UBXN10: variants seen among roughly 807,000 people sequenced by gnomAD.
UBXN10 encodes the protein UBX domain-containing protein 10.
UBXN10 carries 6 observed loss-of-function variants against 6.9 expected under a neutral mutation model. The observed-to-expected ratio is 0.87, with a 90% CI of 0.48 to 1.72. The LOEUF is 1.72. UBXN10 is among the 40% of genes most tolerant of loss of function. The pLI, the probability that UBXN10 is intolerant of heterozygous loss-of-function variation, is 0.01. For missense variants in UBXN10, 317 were observed against 348.4 expected (o/e 0.91, Z 0.72); for synonymous variants, 131 against 135.2 (o/e 0.97, Z 0.21).
chr1:20,190,431 C>T, intron 1 of UBXN10, 116 bp from the exon 2 acceptor site: 1 of 1,361,608 alleles, frequency 7.3e-7, no homozygotes, highest in East Asian at 2.3e-5. Flanking sequence ...GCTGGTGCCC[C>T]TTACTAGATG....
intron 1 of UBXN10, among the ~76,000 whole-genome samples, chr1:20,186,835 C>T (rs188016553): frequency 1.4e-5 from 2 of 143,916 alleles, no homozygotes; most frequent in African/African-American, 5.1e-5. Flanking sequence ...ATTCTCAGGC[C>T]AACCACCATC....
At position 20,193,245 on chromosome 1, in the gene UBXN10, TG is replaced by T. The variant is rs1220552963; in HGVS notation, c.*1844del. ...TGGTAAGAATAAAATCCCACCCACC[TG>T]GGACTTGGTAATTTCTCCAGACAGG... On this transcript the variant is annotated 3_prime_UTR_variant, in exon 2 of 2. Transcript: ENST00000375099. 2 of 167,038 alleles carry T rather than the reference TG, an allele frequency of 1.2e-5. No homozygotes were observed. The highest frequency in any genetic ancestry group is 2.9e-5 in the Non-Finnish European group (2 of 68,100). 10.3% of individuals were successfully genotyped at this position (167,038 alleles called of 1,614,324 possible).
rs535829735 is a variant in UBXN10, at chr1:20,187,281, C to T, written c.-16+1128C>T. 6.6e-6 allele frequency among the ~76,000 whole-genome samples: 1 copy of T among 152,372 alleles called. No homozygotes were observed. Among genetic ancestry groups the T allele is most frequent in the South Asian group, 2.1e-4 (1 of 4,832 alleles). The stretch of plus-strand genomic sequence containing the variant: ...ATTGTGTTTAAGTAAACAGGCCACT[C>T]GCCTATTCAGCTTGGCAGCTTGATA... On this transcript the variant is annotated intron_variant, in intron 1 of 1. Coordinates refer to ENST00000375099, the MANE Select transcript of UBXN10 (RefSeq NM_152376.5). This position sits in a 1 kb window ranked among gnomAD's most constrained non-coding sequence, Gnocchi z 4.6.
Position 20,190,953 on chromosome 1 carries a change from A to G in UBXN10, c.392A>G (p.Glu131Gly), listed in dbSNP as rs1367950707. 3 of 1,614,178 alleles carry G rather than the reference A, an allele frequency of 1.9e-6. No homozygotes were observed. Reference sequence around the variant, plus strand: ...AAGAACCTGGAGGAGGAGGCTGTGGAAACCGTTGCCAAAAAGGCCAGCTCA... The same window carrying G: ...AAGAACCTGGAGGAGGAGGCTGTGGGAACCGTTGCCAAAAAGGCCAGCTCA... ...NRKNLEEEAV[E>G]TVAKKASSLQ... Residue 131 changes from glutamate to glycine, a missense_variant, in exon 2 of 2, where the codon GAA becomes GGA. Transcript: ENST00000375099.
At chr1:20,183,482 AG>A (rs747693924), upstream of UBXN10, among the ~76,000 whole-genome samples, 3 of 152,300 alleles carry the variant, frequency 2.0e-5, no homozygotes, top group Non-Finnish European at 2.9e-5. Context: ...CTCCTTCACC[AG>A]GGGGAACCCT....
chr1:20,189,151 C>G (rs2018449031), intron 1 of UBXN10, among the ~76,000 whole-genome samples: 2 of 152,068 alleles, frequency 1.3e-5, no homozygotes, highest in South Asian at 4.1e-4. Flanking sequence ...GAAATTGAAC[C>G]CACACTTTGT....
At position 20,187,024 on chromosome 1, in the gene UBXN10, T is replaced by G. The variant is rs903089773; in HGVS notation, c.-16+871T>G. ...GGTGGTTATATTTTACTGCATATAC[T>G]GTAGGCTTAGATTTGGGTTGTGAGT... On this transcript the variant is annotated intron_variant, in intron 1 of 1. Coordinates refer to ENST00000375099, the MANE Select transcript of UBXN10 (RefSeq NM_152376.5). The surrounding 1 kb of genome is among the most constrained non-coding windows in gnomAD (Gnocchi z 4.6). 1.3e-5 allele frequency among the ~76,000 whole-genome samples: 2 copies of G among 152,252 alleles called. No homozygotes were observed. Among genetic ancestry groups the G allele is most frequent in the Non-Finnish European group, 2.9e-5 (2 of 68,038 alleles).
chr1:20,191,636 G>T lies in UBXN10; in HGVS notation c.*232G>T. On this transcript the variant is annotated 3_prime_UTR_variant, in exon 2 of 2. Transcript: ENST00000375099. The surrounding 1 kb of genome is among the most constrained non-coding windows in gnomAD (Gnocchi z 4.5). ...CATTCTCTCCACCACCAGCGTAACTGGCAAGTTACCAAGGTTGTTCCTGAA... is the reference window on the plus strand; with the variant it reads ...CATTCTCTCCACCACCAGCGTAACTTGCAAGTTACCAAGGTTGTTCCTGAA... The T allele has an allele frequency of 1.8e-6, 1 of 549,348 alleles. No homozygotes were observed. Among genetic ancestry groups the T allele is most frequent in the African/African-American group, 1.9e-5 (1 of 53,006 alleles). 34.0% of individuals were successfully genotyped at this position (549,348 alleles called of 1,614,324 possible).
intron 1 of UBXN10, among the ~76,000 whole-genome samples, chr1:20,189,430 T>C (rs2018454171): frequency 6.6e-6 from 1 of 151,770 alleles, no homozygotes; most frequent in East Asian, 1.9e-4. Context: ...AAGATGGCAA[T>C]GAAAGAGGAG....
rs1002196366 is a variant in UBXN10, at chr1:20,195,833, A to G, written c.*4429A>G. On this transcript the variant is annotated 3_prime_UTR_variant, in exon 2 of 2. Transcript: ENST00000375099. ...AAAAGTATCATCTACCTCTAGGGGT[A>G]TGATATGACTGCTGACCAAGGTTAC... 2.4e-5 allele frequency: 4 copies of G among 167,116 alleles called. No individual in the cohort carries two copies. The highest frequency in any genetic ancestry group is 5.9e-5 in the Non-Finnish European group (4 of 68,126). 10.4% of individuals were successfully genotyped at this position (167,116 alleles called of 1,614,324 possible). A position where few individuals can be genotyped will look rare whatever the true frequency, so the allele number is the denominator to read the frequency against.
rs1443119419 is a variant in UBXN10 at position 20,194,126 on chromosome 1, G to A, written c.*2722G>A. ...TTATCTGCAAAGGACCCCAAAGTGA[G>A]GATCCCACATTGTTACTGCTGGCTC... On this transcript the variant is annotated 3_prime_UTR_variant, in exon 2 of 2. Coordinates refer to ENST00000375099, the MANE Select transcript of UBXN10 (RefSeq NM_152376.5). The A allele has an allele frequency of 6.0e-6, 1 of 167,088 alleles. No homozygotes were observed. The highest frequency in any genetic ancestry group is 2.4e-5 in the African/African-American group (1 of 41,446). The allele number at this position is 167,088 out of a possible 1,614,324, so 10.4% of individuals were successfully genotyped here. A position where few individuals can be genotyped will look rare whatever the true frequency, so the allele number is the denominator to read the frequency against.
chr1:20,183,348 T>C (rs989502859), upstream of UBXN10, among the ~76,000 whole-genome samples: 5 of 152,088 alleles, frequency 3.3e-5, no homozygotes, highest in African/African-American at 1.2e-4. Flanking sequence ...CCACGACCAG[T>C]GCAACGGACA....
upstream of UBXN10, among the ~76,000 whole-genome samples, chr1:20,185,695 C>T (rs1252784844): frequency 1.3e-5 from 2 of 152,084 alleles, no homozygotes; most frequent in Non-Finnish European, 2.9e-5. Flanking sequence ...TTTAGGGTTC[C>T]GAGAATCCAT....
At chr1:20,183,569 C>T (rs1400710975), upstream of UBXN10, among the ~76,000 whole-genome samples, 1 of 152,198 alleles carries the variant, frequency 6.6e-6, no homozygotes, top group Admixed American at 6.5e-5. Context: ...TGAAGGGAGC[C>T]GACCTAGGGA....
In UBXN10 at chr1:20,195,115, GTGCCACTTTC is replaced by G. The variant is rs1306194326; in HGVS notation, c.*3712_*3721del. On this transcript the variant is annotated 3_prime_UTR_variant, in exon 2 of 2. Coordinates refer to ENST00000375099, the MANE Select transcript of UBXN10 (RefSeq NM_152376.5). ...TTTATTTTTTGTCTACACGGGTGGCGTGCCACTTTCCTTTCCTGATTAGGGAAGCTTCTCC... is the reference window on the plus strand; with the variant it reads ...TTTATTTTTTGTCTACACGGGTGGCGCTTTCCTGATTAGGGAAGCTTCTCC... The G allele has an allele frequency of 6.0e-6, 1 of 167,090 alleles. No homozygotes were observed. Among genetic ancestry groups the G allele is most frequent in the Non-Finnish European group, 1.5e-5 (1 of 68,138 alleles). 10.4% of individuals were successfully genotyped at this position (167,090 alleles called of 1,614,324 possible).
At chr1:20,186,063 C>G (rs574983259), upstream of UBXN10, 5 of 144,974 alleles carry the variant, frequency 3.4e-5, no homozygotes, top group Non-Finnish European at 7.6e-5. Flanking sequence ...AGCACGTGGC[C>G]CCCCACCCTG....
Position 20,191,117 on chromosome 1 carries a change from G to T in UBXN10, c.556G>T (p.Ala186Ser). ...AACCAAGAAACAGGGCTCTTCCAGG[G>T]CTGGAAATCTGGAGGAACCATCGGA... is the stretch of plus-strand genomic sequence containing the variant. The part of the protein sequence containing the change: ...VRTKKQGSSR[A>S]GNLEEPSDQE... The change falls in exon 2 of 2, where the codon GCT (alanine) becomes TCT (serine). Residue 186 changes from alanine to serine, a missense_variant. By Grantham distance (99) the Ala-to-Ser change is moderately conservative. Transcript: ENST00000375099. This position sits in a 1 kb window ranked among gnomAD's most constrained non-coding sequence, Gnocchi z 4.5. 5 of 1,614,156 alleles carry T rather than the reference G, an allele frequency of 3.1e-6. No individual in the cohort carries two copies. The highest frequency in any genetic ancestry group is 4.2e-6 in the Non-Finnish European group (5 of 1,180,032).
chr1:20,195,351 C>G lies in UBXN10; in HGVS notation c.*3947C>G, dbSNP rs1014000200. Reference sequence around the variant, plus strand: ...CAAGCCTCATTCAGACTGTCCTGCTCAGAGGCGCCCTCTGGCTGCCGTGTT... The same window carrying G: ...CAAGCCTCATTCAGACTGTCCTGCTGAGAGGCGCCCTCTGGCTGCCGTGTT... On this transcript the variant is annotated 3_prime_UTR_variant, in exon 2 of 2. Coordinates refer to ENST00000375099, the MANE Select transcript of UBXN10 (RefSeq NM_152376.5). 6.0e-6 allele frequency: 1 copy of G among 167,478 alleles called. No homozygotes were observed. Among genetic ancestry groups the G allele is most frequent in the African/African-American group, 2.4e-5 (1 of 41,464 alleles). The allele number at this position is 167,478 out of a possible 1,614,324, so 10.4% of individuals were successfully genotyped here. A position where few individuals can be genotyped will look rare whatever the true frequency, so the allele number is the denominator to read the frequency against.
Position 20,187,041 on chromosome 1 carries a change from G to T in UBXN10, c.-16+888G>T, listed in dbSNP as rs887918030. On this transcript the variant is annotated intron_variant, in intron 1 of 1. Coordinates refer to ENST00000375099, the MANE Select transcript of UBXN10 (RefSeq NM_152376.5). This position sits in a 1 kb window ranked among gnomAD's most constrained non-coding sequence, Gnocchi z 4.6. Reference sequence around the variant, plus strand: ...GCATATACTGTAGGCTTAGATTTGGGTTGTGAGTGAAATAGGGTGGTCTGA... The same window carrying T: ...GCATATACTGTAGGCTTAGATTTGGTTTGTGAGTGAAATAGGGTGGTCTGA... 2.0e-5 allele frequency among the ~76,000 whole-genome samples: 3 copies of T among 152,324 alleles called. No individual in the cohort carries two copies. The highest frequency in any genetic ancestry group is 2.1e-4 in the South Asian group (1 of 4,826).
Sources: gnomAD v4.1 joint callset for allele counts (sites outside exome capture counted in the v4.1 genomes callset) on GRCh38, gnomAD v4.1.1 for gene constraint, Gnocchi (gnomAD v3.1) non-coding constraint, MANE v1.5 for transcripts, NCBI Gene and HGNC (gene_info 2026-07-23, HGNC 2026-07-21) for gene names.